The following BSPH1 variants were observed in gnomAD, a reference collection of about 807,000 sequenced individuals.
BSPH1 encodes the protein binder of sperm 1.
Under a neutral mutation model 22.5 loss-of-function variants are expected in BSPH1, and 21 were observed. That is an observed-to-expected ratio of 0.93 (90% confidence interval 0.66 to 1.35). The LOEUF is 1.35. BSPH1 is among the 40% of genes most tolerant of loss of function. The pLI, the probability that BSPH1 is intolerant of heterozygous loss-of-function variation, is 0.00. For missense variants in BSPH1, 141 were observed against 154.2 expected (o/e 0.91, Z 0.45); for synonymous variants, 42 against 53.6 (o/e 0.78, Z 0.95).
chr19:47,973,715 A>G (rs1284571923), intron 5 of BSPH1, among the ~76,000 whole-genome samples: 1 of 152,188 alleles, frequency 6.6e-6, no homozygotes, highest in East Asian at 1.9e-4. Flanking sequence ...AAGCAAGCCA[A>G]GTACACGCGG....
At chr19:47,984,036 A>G (rs918062827) in intron 1 of BSPH1, among the ~76,000 whole-genome samples, 6 of 151,472 alleles carry the variant, frequency 4.0e-5, no homozygotes, top group Admixed American at 4.0e-4. Flanking sequence ...TAGTAGAGAC[A>G]GGGTTTTGCC....
intron 1 of BSPH1, among the ~76,000 whole-genome samples, chr19:47,990,000 T>C (rs1969507702): frequency 6.6e-6 from 1 of 151,224 alleles, no homozygotes; most frequent in Non-Finnish European, 1.5e-5. Context: ...GTGCCTTTAG[T>C]CCCAGCTACT....
chr19:47,983,057 A>G (rs1047531413), intron 1 of BSPH1, among the ~76,000 whole-genome samples: 1 of 152,202 alleles, frequency 6.6e-6, no homozygotes, highest in Admixed American at 6.6e-5. Context: ...ATTGAATGCC[A>G]CTGAACTGTG....
intron 1 of BSPH1, among the ~76,000 whole-genome samples, chr19:47,991,236 C>T (rs1966872420): frequency 6.6e-6 from 1 of 152,046 alleles, no homozygotes; most frequent in African/African-American, 2.4e-5. Flanking sequence ...TCAGGCAGAC[C>T]CAAACCAGCA....
In BSPH1 at chr19:47,980,155, A is replaced by G. The variant is rs906147675; in HGVS notation, c.95-556T>C. On this transcript the variant is annotated intron_variant, in intron 2 of 5. Transcript: ENST00000344839. The stretch of plus-strand genomic sequence containing the variant: ...TGCTTTCCTAGTTTTAATTGGTATG[A>G]CACTTAGATTAAGAATGTTTATTTC... Among the ~76,000 whole-genome samples the G allele has an allele frequency of 2.6e-5, 4 of 152,092 alleles. No individual in the cohort carries two copies. In the East Asian group the frequency reaches 7.7e-4, roughly 29 times the overall value.
At chr19:47,977,024 T>C (rs886679960) in intron 4 of BSPH1, among the ~76,000 whole-genome samples, 170 bp from the exon 5 acceptor site, 1 of 152,234 alleles carries the variant, frequency 6.6e-6, no homozygotes, top group Admixed American at 6.5e-5. Flanking sequence ...TGCACACTGG[T>C]GCGCTCACAC....
chr19:47,979,088 G>A (rs1969394482), intron 3 of BSPH1, among the ~76,000 whole-genome samples: 1 of 152,090 alleles, frequency 6.6e-6, no homozygotes. Context: ...GAGCCAGCAA[G>A]CATCACAAAA....
At chr19:47,979,467 G>GA (rs1488661808) in intron 3 of BSPH1, 103 bp downstream of exon 3, 4 of 622,566 alleles carry the variant, frequency 6.4e-6, no homozygotes, top group African/African-American at 3.9e-5. Flanking sequence ...TATATAAGGA[G>GA]AAAAAATGAT....
intron 1 of BSPH1, 117 bp downstream of exon 1, chr19:47,991,892 C>T (rs1966875712): frequency 3.3e-6 from 2 of 611,274 alleles, no homozygotes; most frequent in Non-Finnish European, 2.9e-6. Context: ...TCCCCTCTTC[C>T]CCTTCCTCCT....
At chr19:47,974,843 A>G (rs1158648113) in intron 5 of BSPH1, among the ~76,000 whole-genome samples, 1 of 151,926 alleles carries the variant, frequency 6.6e-6, no homozygotes, top group Non-Finnish European at 1.5e-5. Flanking sequence ...AACCCCCTAC[A>G]CTAGCCAGAC....
intron 5 of BSPH1, among the ~76,000 whole-genome samples, chr19:47,973,433 C>T (rs1274380870): frequency 6.6e-6 from 1 of 152,118 alleles, no homozygotes; most frequent in Non-Finnish European, 1.5e-5. Flanking sequence ...ACTCATCCAT[C>T]TCTGTGGTCC....
At chr19:47,981,772 CT>C (rs5828324) in intron 1 of BSPH1, 515,084 of 823,046 alleles carry the variant, frequency 0.63, 143,390 homozygotes, top group African/African-American at 0.77. Flanking sequence ...GATAGCTTTA[CT>C]TTTTTTTTTT....
At chr19:47,984,616 A>T (rs912239275) in intron 1 of BSPH1, among the ~76,000 whole-genome samples, 6 of 152,330 alleles carry the variant, frequency 3.9e-5, no homozygotes, top group African/African-American at 7.2e-5. Context: ...ATGCAGCTGG[A>T]GGCCATTAGC....
At chr19:47,969,684 G>GGA (rs10589898) in intron 5 of BSPH1, among the ~76,000 whole-genome samples, 9,183 of 113,584 alleles carry the variant, frequency 0.081, 514 homozygotes, top group African/African-American at 0.12. Context: ...AGGGAGAGGG[G>GGA]GAGAGAGAGA....
intron 3 of BSPH1, chr19:47,977,752 G>C (rs925547630): frequency 1.1e-6 from 1 of 878,786 alleles, no homozygotes; most frequent in African/African-American, 1.8e-5. Context: ...CTTAGCATTT[G>C]CCCCAGTTTC....
At chr19:47,976,903 G>A (rs768430648) in intron 4 of BSPH1, 49 bp from the exon 5 acceptor site, 2 of 1,531,646 alleles carry the variant, frequency 1.3e-6, no homozygotes, top group African/African-American at 2.8e-5. Context: ...TTTCTAATTT[G>A]CACCCACCTC....
At position 47,969,684 on chromosome 19, in the gene BSPH1, G is replaced by GGAGAGAGAGAGAGAGAGAGA. The variant is rs10589898; in HGVS notation, c.*3-1495_*3-1476dup. On this transcript the variant is annotated intron_variant, in intron 5 of 5. Transcript: ENST00000344839. Reference sequence around the variant, plus strand: ...CACTACCTGTAAGGCAGGGAGAGGGGGAGAGAGAGAGAGAGAGAGAGAGAG... The same window carrying GGAGAGAGAGAGAGAGAGAGA: ...CACTACCTGTAAGGCAGGGAGAGGGGGAGAGAGAGAGAGAGAGAGAGAGAGAGAGAGAGAGAGAGAGAGAG... Among the ~76,000 whole-genome samples the GGAGAGAGAGAGAGAGAGAGA allele has an allele frequency of 5.1e-3, 575 of 113,836 alleles. 29 individuals carry two copies. The highest frequency in any genetic ancestry group is 0.011 in the East Asian group (36 of 3,352). 74.7% of individuals were successfully genotyped at this position (113,836 alleles called of 152,430 possible). A position where few individuals can be genotyped will look rare whatever the true frequency, so the allele number is the denominator to read the frequency against.
In BSPH1 at chr19:47,969,115, T is replaced by G. The variant is rs951722798; in HGVS notation, c.*3-906A>C. Among the ~76,000 whole-genome samples, 14 of 152,016 alleles carry G rather than the reference T, an allele frequency of 9.2e-5. No homozygotes were observed. The East Asian group carries it at 2.7e-3, about 29-fold the overall frequency. ...TGGAGACTATTGTTGTTGGGGCTGG[T>G]GCTGGTGACACCAGTGCACCTGCAG... On this transcript the variant is annotated intron_variant, in intron 5 of 5. Coordinates refer to ENST00000344839, the MANE Select transcript of BSPH1 (RefSeq NM_001128326.2).
Position 47,977,477 on chromosome 19 carries a change from T to C in BSPH1, c.152A>G (p.Tyr51Cys), listed in dbSNP as rs1178547461. The change falls in exon 4 of 6, where the codon TAT becomes TGT. Residue 51 changes from tyrosine to cysteine, a missense_variant. Transcript: ENST00000344839. ...GCAGTCATAATATGTTCCATTTTTA[T>C]AGTGGAATGGAAAGACACACTCCCC... ...TDGECVFPFH[Y>C]KNGTYYDCIK... 2.6e-6 allele frequency: 4 copies of C among 1,551,734 alleles called. No individual in the cohort carries two copies. The highest frequency in any genetic ancestry group is 2.4e-5 in the East Asian group (1 of 40,906).
Sources: allele counts gnomAD v4.1 joint callset (sites outside exome capture counted in the v4.1 genomes callset), GRCh38; gene constraint gnomAD v4.1.1; transcripts MANE v1.5; gene names NCBI Gene and HGNC (gene_info 2026-07-23, HGNC 2026-07-21).